OPRM1: variants seen among roughly 807,000 people sequenced by gnomAD.
OPRM1 encodes opioid receptor mu 1.
OPRM1 carries 27 observed loss-of-function variants against 31.8 expected under a neutral mutation model. The observed-to-expected ratio is 0.85, with a 90% CI of 0.63 to 1.17. The LOEUF (loss-of-function observed/expected upper bound fraction) is 1.17, where lower values mean the gene tolerates loss of function less well. OPRM1 is among the 50% of genes most tolerant of loss of function. OPRM1 has a pLI of 0.00. For missense variants in OPRM1, 536 were observed against 511.1 expected (o/e 1.05, Z -0.47); for synonymous variants, 196 against 189.9 (o/e 1.03, Z -0.26).
chr6:154,152,131 C>A (rs1309492779), intron 3 of OPRM1, among the ~76,000 whole-genome samples: 1 of 138,538 alleles, frequency 7.2e-6, no homozygotes, highest in Non-Finnish European at 1.5e-5. Flanking sequence ...GAGCCAAGAT[C>A]GCGCCACTGC....
At chr6:154,161,787 A>G (rs28447085) in intron 3 of OPRM1, among the ~76,000 whole-genome samples, 2 of 152,124 alleles carry the variant, frequency 1.3e-5, no homozygotes, top group Non-Finnish European at 2.9e-5. Flanking sequence ...GTAGACATTC[A>G]ATTCATGCAT....
Position 154,128,661 on chromosome 6 carries a change from A to C in OPRM1, c.*9940A>C, listed in dbSNP as rs1022037684. 6.6e-6 allele frequency among the ~76,000 whole-genome samples: 1 copy of C among 152,334 alleles called. No homozygotes were observed. The highest frequency in any genetic ancestry group is 3.4e-3 in the Middle Eastern group (1 of 294). On this transcript the variant is annotated 3_prime_UTR_variant, in exon 4 of 4. Coordinates refer to ENST00000330432, the MANE Select transcript of OPRM1 (RefSeq NM_000914.5). ...GATCCTGAAGACAGTTGAAGCAATCATACTGGTTGTTCTCGAACTAGCTGG... is the reference window on the plus strand; with the variant it reads ...GATCCTGAAGACAGTTGAAGCAATCCTACTGGTTGTTCTCGAACTAGCTGG...
intron 1 of OPRM1, among the ~76,000 whole-genome samples, chr6:154,022,498 A>G (rs150571504): frequency 4.4e-4 from 55 of 125,404 alleles, no homozygotes; most frequent in Non-Finnish European, 4.3e-4. Flanking sequence ...TCTCCATTCT[A>G]TAGGTTGTCT....
At chr6:154,021,701 TGGG>T (rs1217242784) in intron 1 of OPRM1, among the ~76,000 whole-genome samples, 3 of 152,216 alleles carry the variant, frequency 2.0e-5, no homozygotes, top group Admixed American at 6.5e-5. Flanking sequence ...GTATTTAACT[TGGG>T]GGAACTATTG....
chr6:154,075,325 C>T (rs1015954243), intron 1 of OPRM1, among the ~76,000 whole-genome samples: 6 of 152,016 alleles, frequency 3.9e-5, no homozygotes, highest in African/African-American at 9.7e-5. Flanking sequence ...GAAAATGATA[C>T]GGTGAGCAAT....
At chr6:154,170,829 T>C (rs762498511) in intron 3 of OPRM1, among the ~76,000 whole-genome samples, 2 of 152,216 alleles carry the variant, frequency 1.3e-5, no homozygotes, top group African/African-American at 2.4e-5. Flanking sequence ...GGAACCCTCA[T>C]ACATTGTTAG....
In OPRM1 at chr6:154,040,610, A is replaced by T. The variant is rs1000577369; in HGVS notation, c.290+776A>T. Among the ~76,000 whole-genome samples, 5 of 152,216 alleles carry T rather than the reference A, an allele frequency of 3.3e-5. No individual in the cohort carries two copies. In the East Asian group the frequency reaches 9.6e-4, roughly 29 times the overall value. On this transcript the variant is annotated intron_variant, in intron 1 of 3. Transcript: ENST00000330432. ...GGTTGGTTCAGGAGAACCGCAGGAC[A>T]TGGCTGTATTTCATTGCCTTCACAA...
At chr6:154,144,370 C>T (rs1376198177) in intron 3 of OPRM1, among the ~76,000 whole-genome samples, 4 of 152,178 alleles carry the variant, frequency 2.6e-5, no homozygotes, top group African/African-American at 9.7e-5. Context: ...AAAAAATTTA[C>T]AGACCAATAT....
At chr6:154,029,350 C>T (rs998740466) in intron 1 of OPRM1, among the ~76,000 whole-genome samples, 1 of 152,134 alleles carries the variant, frequency 6.6e-6, no homozygotes, top group African/African-American at 2.4e-5. Flanking sequence ...GTAAGATTAT[C>T]TGTTTCTAGA....
chr6:154,229,436 G>A (rs1229128192), intron 3 of OPRM1, among the ~76,000 whole-genome samples: 47 of 141,756 alleles, frequency 3.3e-4, no homozygotes, highest in African/African-American at 1.2e-3. Context: ...TGCAAGCTCC[G>A]CCTCCTGGGT....
chr6:154,010,762 C>T lies in OPRM1; in HGVS notation c.-257C>T, dbSNP rs762834624. On this transcript the variant is annotated 5_prime_UTR_variant, in exon 1 of 6. Coordinates refer to the OPRM1 transcript ENST00000434900. ...ATGAATTGCCCCTTTCTCCTACAAA[C>T]AAGAGAATTCGGTCAAGTGGATGTG... 3 of 1,418,456 alleles carry T rather than the reference C, an allele frequency of 2.1e-6. No homozygotes were observed. In the East Asian group the frequency reaches 7.7e-5, roughly 36 times the overall value. 87.9% of individuals were successfully genotyped at this position (1,418,456 alleles called of 1,614,324 possible). A position where few individuals can be genotyped will look rare whatever the true frequency, so the allele number is the denominator to read the frequency against.
intron 3 of OPRM1, chr6:154,108,908 G>A: frequency 1.0e-6 from 1 of 985,160 alleles, no homozygotes; most frequent in East Asian, 1.1e-4. Context: ...AAAAATTTTA[G>A]TCCAAAAATC....
chr6:154,187,106 G>A (rs1171066263), intron 3 of OPRM1, among the ~76,000 whole-genome samples: 1 of 151,180 alleles, frequency 6.6e-6, no homozygotes, highest in Non-Finnish European at 1.5e-5. Flanking sequence ...GACTGCACTT[G>A]TTGTGTTTTT....
intron 1 of OPRM1, among the ~76,000 whole-genome samples, chr6:154,013,278 A>G (rs899734185): frequency 6.6e-6 from 1 of 152,188 alleles, no homozygotes; most frequent in Non-Finnish European, 1.5e-5. Context: ...AAAAACTAAT[A>G]CATGAAATTC....
intron 2 of OPRM1, 25 bp downstream of exon 2, chr6:154,090,203 G>C (rs568940726): frequency 1.4e-5 from 22 of 1,522,682 alleles, no homozygotes; most frequent in African/African-American, 1.4e-4. Context: ...CAGCCTGAGG[G>C]AAGGAGGGTT....
intron 3 of OPRM1, among the ~76,000 whole-genome samples, chr6:154,102,933 A>AC (rs1795063982): frequency 1.3e-5 from 2 of 150,378 alleles, no homozygotes; most frequent in Admixed American, 6.6e-5. Context: ...AAAAAAAAAA[A>AC]AAACACTCCA....
intron 1 of OPRM1, among the ~76,000 whole-genome samples, chr6:154,013,910 T>C (rs759236872): frequency 3.3e-5 from 5 of 152,098 alleles, no homozygotes; most frequent in African/African-American, 9.7e-5. Context: ...CTCATTCTAT[T>C]GGGGAAAGAA....
intron 3 of OPRM1, among the ~76,000 whole-genome samples, chr6:154,242,632 A>G (rs1260003432): frequency 6.6e-6 from 1 of 152,176 alleles, no homozygotes; most frequent in Non-Finnish European, 1.5e-5. Flanking sequence ...CACATCTGTA[A>G]TCCCAGCACT....
At chr6:154,072,108 A>G (rs948299909) in intron 1 of OPRM1, among the ~76,000 whole-genome samples, 1 of 152,202 alleles carries the variant, frequency 6.6e-6, no homozygotes, top group African/African-American at 2.4e-5. Flanking sequence ...GGAGAGGGAT[A>G]AAAATGAGAA....
Sources: allele counts gnomAD v4.1 joint callset (sites outside exome capture counted in the v4.1 genomes callset), GRCh38; gene constraint gnomAD v4.1.1; transcripts MANE v1.5; gene names NCBI Gene and HGNC (gene_info 2026-07-23, HGNC 2026-07-21).